The following B3GALT1 variants were observed in gnomAD, a reference collection of about 807,000 sequenced individuals.
B3GALT1 encodes beta-1,3-galactosyltransferase 1, also known as UDP-Gal:betaGlcNAc beta 1,3-galactosyltransferase, polypeptide 1.
A neutral mutation model predicts 23.2 loss-of-function variants in B3GALT1; 10 were observed. The ratio of observed to expected loss-of-function variants is 0.43; its 90% confidence interval spans 0.27 to 0.73. B3GALT1 has a LOEUF of 0.73. B3GALT1 is among the 30% of genes least tolerant of loss of function. The pLI is 0.21. For missense variants in B3GALT1, 299 were observed against 405.4 expected (o/e 0.74, Z 2.25); for synonymous variants, 156 against 141.5 (o/e 1.10, Z -0.73).
chr2:167,377,510 A>G (rs1697783389), intron 1 of B3GALT1, among the ~76,000 whole-genome samples: 1 of 152,064 alleles, frequency 6.6e-6, no homozygotes, highest in South Asian at 2.1e-4. Flanking sequence ...GGGTGCTCTA[A>G]TGTTCAGTGT....
chr2:167,360,351 C>G (rs1035404805), intron 1 of B3GALT1, among the ~76,000 whole-genome samples: 3 of 152,070 alleles, frequency 2.0e-5, no homozygotes, highest in Admixed American at 2.0e-4. Flanking sequence ...ATGATGTGAG[C>G]AGAGAACATC....
intron 1 of B3GALT1, among the ~76,000 whole-genome samples, chr2:167,377,575 G>A (rs147579423): frequency 6.6e-6 from 1 of 152,124 alleles, no homozygotes; most frequent in Non-Finnish European, 1.5e-5. Flanking sequence ...TTATCATGAT[G>A]TAATGCTCTT....
At chr2:167,867,208 G>T (rs909884291) in intron 4 of B3GALT1, among the ~76,000 whole-genome samples, 1 of 152,176 alleles carries the variant, frequency 6.6e-6, no homozygotes, top group Non-Finnish European at 1.5e-5. Flanking sequence ...TTACAGGCGT[G>T]AGCCACCGCG....
At chr2:167,651,290 G>T (rs1288357037) in intron 3 of B3GALT1, among the ~76,000 whole-genome samples, 2 of 151,508 alleles carry the variant, frequency 1.3e-5, no homozygotes, top group Non-Finnish European at 2.9e-5. Flanking sequence ...GTGCACACAT[G>T]TGTGCGTGAG....
intron 4 of B3GALT1, among the ~76,000 whole-genome samples, chr2:167,831,021 T>C (rs1689341124): frequency 6.6e-6 from 1 of 152,246 alleles, no homozygotes; most frequent in Non-Finnish European, 1.5e-5. Flanking sequence ...GAAATAAATT[T>C]GTATGCTACC....
At chr2:167,444,117 T>C (rs1242818679) in intron 1 of B3GALT1, among the ~76,000 whole-genome samples, 1 of 152,242 alleles carries the variant, frequency 6.6e-6, no homozygotes, top group African/African-American at 2.4e-5. Flanking sequence ...CTGCATCTAT[T>C]GAGATAATCA....
At chr2:167,540,373 C>T (rs933870561) in intron 2 of B3GALT1, among the ~76,000 whole-genome samples, 4 of 152,138 alleles carry the variant, frequency 2.6e-5, no homozygotes, top group African/African-American at 9.7e-5. Context: ...CCCCATCCCA[C>T]AACTACTGAA....
intron 1 of B3GALT1, among the ~76,000 whole-genome samples, chr2:167,478,668 T>G (rs1239865704): frequency 6.6e-6 from 1 of 152,038 alleles, no homozygotes; most frequent in Non-Finnish European, 1.5e-5. Flanking sequence ...CTGCACCCAT[T>G]AACTCGTCAT....
intron 4 of B3GALT1, among the ~76,000 whole-genome samples, chr2:167,835,710 G>C (rs548928562): frequency 2.0e-5 from 3 of 152,368 alleles, no homozygotes; most frequent in Non-Finnish European, 2.9e-5. Context: ...CTGGAGATCT[G>C]AGAACGGGCA....
In B3GALT1 at chr2:167,613,862, T is replaced by C. The variant is rs572996481; in HGVS notation, c.-409-33047T>C. Among the ~76,000 whole-genome samples the C allele has an allele frequency of 1.6e-4, 25 of 151,944 alleles. No individual in the cohort carries two copies. In the South Asian group the frequency reaches 2.9e-3, roughly 18 times the overall value. On this transcript the variant is annotated intron_variant, in intron 2 of 4. Transcript: ENST00000392690. ...AGAATGTTTTAAATGATTTAAAAAA[T>C]CAAGCATCCACTTCCAATACATTTT...
intron 2 of B3GALT1, among the ~76,000 whole-genome samples, chr2:167,629,948 AT>A (rs1685410167): frequency 6.6e-6 from 1 of 151,676 alleles, no homozygotes; most frequent in Admixed American, 6.6e-5. Context: ...CTCTCTGGGC[AT>A]TTTTTTCTTG....
At chr2:167,778,401 T>G in intron 3 of B3GALT1, among the ~76,000 whole-genome samples, 1 of 152,220 alleles carries the variant, frequency 6.6e-6, no homozygotes, top group East Asian at 1.9e-4. Flanking sequence ...TTTTTAATTT[T>G]TAATTTCTTA....
chr2:167,555,225 A>T (rs1683822964), intron 2 of B3GALT1, among the ~76,000 whole-genome samples: 1 of 152,190 alleles, frequency 6.6e-6, no homozygotes, highest in Admixed American at 6.5e-5. Flanking sequence ...TATTGAATGC[A>T]TTGCACTCTA....
chr2:167,764,209 C>A (rs555394536), intron 3 of B3GALT1, among the ~76,000 whole-genome samples: 1 of 152,156 alleles, frequency 6.6e-6, no homozygotes, highest in Non-Finnish European at 1.5e-5. Flanking sequence ...CTGGTTCATT[C>A]GAGTCACTGA....
intron 3 of B3GALT1, among the ~76,000 whole-genome samples, chr2:167,766,465 G>A (rs1041178782): frequency 5.9e-5 from 9 of 152,146 alleles, no homozygotes; most frequent in Non-Finnish European, 8.8e-5. Context: ...GCTCCGTGAC[G>A]TTCAAGACAC....
At chr2:167,345,133 GAATCAA>G (rs1697208441) in intron 1 of B3GALT1, among the ~76,000 whole-genome samples, 1 of 152,148 alleles carries the variant, frequency 6.6e-6, no homozygotes, top group Non-Finnish European at 1.5e-5. Context: ...GATCTCATTT[GAATCAA>G]GAATGATTGT....
intron 4 of B3GALT1, among the ~76,000 whole-genome samples, chr2:167,852,470 GTGT>G (rs1689921594): frequency 6.3e-5 from 1 of 15,752 alleles, no homozygotes; most frequent in Non-Finnish European, 1.4e-4. Context: ...TCGTGATGGT[GTGT>G]GTGTGTGTGT....
chr2:167,709,312 A>G (rs1687015846), intron 3 of B3GALT1, among the ~76,000 whole-genome samples: 1 of 152,212 alleles, frequency 6.6e-6, no homozygotes, highest in Admixed American at 6.5e-5. Flanking sequence ...AAAAACTAAT[A>G]ACCAGATAAT....
At chr2:167,354,394 T>C (rs1697366549) in intron 1 of B3GALT1, among the ~76,000 whole-genome samples, 1 of 148,274 alleles carries the variant, frequency 6.7e-6, no homozygotes, top group South Asian at 2.2e-4. Context: ...GTTGCCAGGC[T>C]GGAATGCAGT....
Sources: gnomAD v4.1 joint callset for allele counts (sites outside exome capture counted in the v4.1 genomes callset) on GRCh38, gnomAD v4.1.1 for gene constraint, MANE v1.5 for transcripts, NCBI Gene and HGNC (gene_info 2026-07-23, HGNC 2026-07-21) for gene names.